Variants in NEO1 observed in about 807,000 individuals in gnomAD.
NEO1 encodes the protein neogenin.
A neutral mutation model predicts 159.7 loss-of-function variants in NEO1; 63 were observed. The observed-to-expected ratio is 0.39, with a 90% CI of 0.32 to 0.49. The LOEUF (loss-of-function observed/expected upper bound fraction) is 0.49. NEO1 is among the 20% of genes least tolerant of loss of function. The pLI, the probability that NEO1 is intolerant of heterozygous loss-of-function variation, is 0.85. For synonymous variants in NEO1, 633 were observed against 662.0 expected, an observed-to-expected ratio of 0.96 and a Z score of 0.67; for missense variants, 1,615 against 1,831.0, an observed-to-expected ratio of 0.88 and a Z score of 2.15.
intron 4 of NEO1, 64 bp downstream of exon 4, chr15:73,126,634 G>T: frequency 6.8e-7 from 1 of 1,477,678 alleles, no homozygotes; most frequent in South Asian, 1.3e-5. Flanking sequence ...TATCCCATTT[G>T]GGACTATTGA....
chr15:73,057,797 A>G (rs2067782419), intron 1 of NEO1, among the ~76,000 whole-genome samples: 1 of 152,136 alleles, frequency 6.6e-6, no homozygotes, highest in African/African-American at 2.4e-5. Context: ...ATAACTTGAA[A>G]TGTTTTCCTT....
intron 1 of NEO1, among the ~76,000 whole-genome samples, chr15:73,091,442 AC>A (rs1187399652): frequency 1.3e-5 from 2 of 152,202 alleles, no homozygotes; most frequent in Admixed American, 1.3e-4. Flanking sequence ...AAAAACAAAT[AC>A]TTAAAAACTA....
chr15:73,145,085 G>T (rs1184773738), intron 5 of NEO1, among the ~76,000 whole-genome samples: 2 of 152,046 alleles, frequency 1.3e-5, no homozygotes, highest in Non-Finnish European at 2.9e-5. Flanking sequence ...AAAAATGATT[G>T]CAATGATATA....
chr15:73,171,377 AC>A (rs2034954805), intron 5 of NEO1, among the ~76,000 whole-genome samples: 1 of 152,050 alleles, frequency 6.6e-6, no homozygotes, highest in Non-Finnish European at 1.5e-5. Context: ...AGCCTGGGCA[AC>A]ATAGTGAGAC....
chr15:73,166,959 G>A (rs1231683903), intron 5 of NEO1, among the ~76,000 whole-genome samples: 1 of 152,002 alleles, frequency 6.6e-6, no homozygotes, highest in Non-Finnish European at 1.5e-5. Flanking sequence ...AAAAGGATGA[G>A]TTCATGTCCT....
At chr15:73,220,559 G>T (rs11637708) in intron 7 of NEO1, among the ~76,000 whole-genome samples, 61,185 of 151,956 alleles carry the variant, frequency 0.4, 13,807 homozygotes, top group Admixed American at 0.51. Flanking sequence ...TCATTTTCAG[G>T]TACACCAATC....
At chr15:73,213,947 T>C (rs1004840913) in intron 7 of NEO1, among the ~76,000 whole-genome samples, 7 of 152,224 alleles carry the variant, frequency 4.6e-5, no homozygotes, top group Non-Finnish European at 8.8e-5. Flanking sequence ...TTTTGATTTT[T>C]TGATTATGGC....
chr15:73,081,215 T>C (rs1423333126), intron 1 of NEO1, among the ~76,000 whole-genome samples: 1 of 152,188 alleles, frequency 6.6e-6, no homozygotes, highest in African/African-American at 2.4e-5. Context: ...TTCTACCTTT[T>C]CATTTCATGT....
At chr15:73,228,392 A>G (rs950485615) in intron 7 of NEO1, among the ~76,000 whole-genome samples, 45 of 137,624 alleles carry the variant, frequency 3.3e-4, no homozygotes, top group African/African-American at 1.2e-3. Context: ...ATTCAAAGCT[A>G]TTGCCTTTTT....
chr15:73,271,108 C>T (rs1322244649), intron 18 of NEO1, among the ~76,000 whole-genome samples: 1 of 152,218 alleles, frequency 6.6e-6, no homozygotes, highest in Non-Finnish European at 1.5e-5. Context: ...AAATTCTCCA[C>T]AAACTGGGCT....
At chr15:73,244,643 A>C (rs1380306533) in intron 9 of NEO1, 145 bp downstream of exon 9, 4 of 848,878 alleles carry the variant, frequency 4.7e-6, no homozygotes, top group Non-Finnish European at 6.8e-6. Context: ...AGGCAAAATT[A>C]ATTTACATCA....
chr15:73,260,812 G>A (rs2040586880), intron 15 of NEO1, among the ~76,000 whole-genome samples: 1 of 152,034 alleles, frequency 6.6e-6, no homozygotes, highest in Non-Finnish European at 1.5e-5. Context: ...TGGCTAAAAC[G>A]GTATCTGCCA....
intron 1 of NEO1, among the ~76,000 whole-genome samples, chr15:73,060,770 C>T (rs545110554): frequency 5.1e-4 from 77 of 152,088 alleles, no homozygotes; most frequent in Non-Finnish European, 1.0e-3. Context: ...CCTCAGCCTC[C>T]CAAGTAGCTG....
intron 7 of NEO1, among the ~76,000 whole-genome samples, chr15:73,229,034 T>A (rs943084451): frequency 2.0e-5 from 3 of 152,146 alleles, no homozygotes; most frequent in African/African-American, 7.2e-5. Flanking sequence ...ACTTTTTTTG[T>A]TCTTTTTGAT....
Position 73,116,855 on chromosome 15 carries a change from C to T in NEO1, c.446C>T (p.Ala149Val). 1 of 1,519,568 alleles carries T rather than the reference C, an allele frequency of 6.6e-7. No individual in the cohort carries two copies. Among genetic ancestry groups the T allele is most frequent in the South Asian group, 1.3e-5 (1 of 77,470 alleles). 94.1% of individuals were successfully genotyped at this position (1,519,568 alleles called of 1,614,324 possible). A position where few individuals can be genotyped will look rare whatever the true frequency, so the allele number is the denominator to read the frequency against. Reference sequence around the variant, plus strand: ...AGTAGAACAGCGAAGCTCATAGTAGCAGGTAAGTTTTAAGTGATTTTTTTT... The same window carrying T: ...AGTAGAACAGCGAAGCTCATAGTAGTAGGTAAGTTTTAAGTGATTTTTTTT... ...IISRTAKLIV[A>V]GLPRFTSQPE... is the part of the protein sequence containing the mutation. The change falls in exon 2 of 29, where the codon GCA becomes GTA. Residue 149 changes from alanine (A) to valine (V), a missense_variant and splice_region_variant. Ala to Val is a moderately conservative substitution (Grantham distance 64). Around this residue, in one of 3 missense-constraint regions of NEO1, gnomAD observed 1,018 missense variants for 1,115.4 expected, o/e 0.91. Coordinates refer to ENST00000261908, the MANE Select transcript of NEO1 (RefSeq NM_002499.4).
At chr15:73,300,218 G>A (rs993310974) in intron 27 of NEO1, among the ~76,000 whole-genome samples, 8 of 152,238 alleles carry the variant, frequency 5.3e-5, no homozygotes, top group East Asian at 3.9e-4. Context: ...CCATGGTGGC[G>A]GATGCAAGTT....
intron 8 of NEO1, among the ~76,000 whole-genome samples, chr15:73,240,662 TC>T (rs1168065901): frequency 6.6e-6 from 1 of 152,016 alleles, no homozygotes; most frequent in African/African-American, 2.4e-5. Flanking sequence ...AAAAATAGAG[TC>T]AGGGAGACAA....
intron 7 of NEO1, among the ~76,000 whole-genome samples, chr15:73,200,753 G>A (rs892492760): frequency 6.6e-6 from 1 of 150,670 alleles, no homozygotes; most frequent in African/African-American, 2.5e-5. Flanking sequence ...TCATGATCGG[G>A]GCTCACGGCA....
intron 1 of NEO1, among the ~76,000 whole-genome samples, chr15:73,055,516 A>G (rs2151205113): frequency 6.6e-6 from 1 of 151,878 alleles, no homozygotes; most frequent in South Asian, 2.1e-4. Context: ...TCTTGAACTC[A>G]CTCACTTAAA....
Sources: allele counts gnomAD v4.1 joint callset (sites outside exome capture counted in the v4.1 genomes callset), GRCh38; gene constraint gnomAD v4.1.1; regional missense constraint gnomAD v4.1.1; transcripts MANE v1.5; gene names NCBI Gene and HGNC (gene_info 2026-07-23, HGNC 2026-07-21).